Variants in ZNF19 observed in about 807,000 individuals in gnomAD.
ZNF19 encodes the protein zinc finger protein 19.
A neutral mutation model predicts 13.1 loss-of-function variants in ZNF19; 11 were observed. The observed-to-expected ratio is 0.84, with a 90% CI of 0.53 to 1.39. The LOEUF is 1.39. Ranked by LOEUF, ZNF19 falls within the 40% of genes most tolerant of loss-of-function variation. The pLI is 0.00. For synonymous variants in ZNF19, 186 were observed against 187.0 expected, an observed-to-expected ratio of 0.99 and a Z score of 0.04; for missense variants, 560 against 547.0, an observed-to-expected ratio of 1.02 and a Z score of -0.24.
Position 71,475,341 on chromosome 16 carries a change from C to T in ZNF19, c.1206G>A (p.Gln402=), listed in dbSNP as rs2043593490. The part of the protein sequence containing the change: ...KALTSKRNLH[Q]HQRIHTGEKP... The stretch of plus-strand genomic sequence containing the variant: ...TCTCTCCAGTATGGATTCTTTGATG[C>T]TGATGAAGATTTCTTTTGCTAGTCA... The change falls in exon 6 of 6, where the codon CAG becomes CAA. Residue 402 remains glutamine, a synonymous_variant. Transcript: ENST00000288177. 1.2e-6 allele frequency: 2 copies of T among 1,614,036 alleles called. No homozygotes were observed. Among genetic ancestry groups the T allele is most frequent in the Non-Finnish European group, 1.7e-6 (2 of 1,179,998 alleles).
intron 3 of ZNF19, among the ~76,000 whole-genome samples, chr16:71,479,756 GTTTT>G (rs914714623): frequency 1.3e-5 from 2 of 150,840 alleles, no homozygotes; most frequent in African/African-American, 4.9e-5. Flanking sequence ...TGCTTCTTGG[GTTTT>G]TTTTTCTTTC....
Position 71,475,887 on chromosome 16 carries a change from C to T in ZNF19, c.660G>A (p.Glu220=). 1.2e-6 allele frequency: 2 copies of T among 1,612,928 alleles called. No homozygotes were observed. The highest frequency in any genetic ancestry group is 2.2e-5 in the South Asian group (2 of 90,990). The change falls in exon 6 of 6, where the codon GAG becomes GAA. Residue 220 remains glutamate, a synonymous_variant. Coordinates refer to ENST00000288177, the MANE Select transcript of ZNF19 (RefSeq NM_006961.4). The stretch of plus-strand genomic sequence containing the variant: ...TATCATTAAAGGCTCGCCCACACTC[C>T]TCACACTGATAGGGTCTCTCTCCAG... ...IHTGERPYQC[E]ECGRAFNDNA...
In ZNF19 at chr16:71,484,665, C is replaced by T; in HGVS notation, c.-106G>A. On this transcript the variant is annotated 5_prime_UTR_variant, in exon 2 of 6. Transcript: ENST00000288177. Reference sequence around the variant, plus strand: ...CCTTGCACCCAGGCTCACACGCGTACTCTCTAGGATGCCGGAGCGGTCTTC... The same window carrying T: ...CCTTGCACCCAGGCTCACACGCGTATTCTCTAGGATGCCGGAGCGGTCTTC... 1 of 985,452 alleles carries T rather than the reference C, an allele frequency of 1.0e-6. No homozygotes were observed. The highest frequency in any genetic ancestry group is 5.2e-4 in the Middle Eastern group (1 of 1,918). The allele number at this position is 985,452 out of a possible 1,614,324, so 61.0% of individuals were successfully genotyped here.
chr16:71,478,197 C>T (rs1324353038), intron 5 of ZNF19, 31 bp downstream of exon 5: 12 of 1,488,334 alleles, frequency 8.1e-6, no homozygotes, highest in Middle Eastern at 1.7e-4. Flanking sequence ...TAAAACGCTA[C>T]AATTGTTGGT....
At chr16:71,482,872 T>C (rs986131031) in intron 2 of ZNF19, among the ~76,000 whole-genome samples, 1 of 152,238 alleles carries the variant, frequency 6.6e-6, no homozygotes, top group Non-Finnish European at 1.5e-5. Flanking sequence ...TGGCTCATTT[T>C]TGTAATTTTA....
chr16:71,483,865 C>T (rs929233082), intron 2 of ZNF19, among the ~76,000 whole-genome samples: 4 of 152,222 alleles, frequency 2.6e-5, no homozygotes, highest in African/African-American at 9.6e-5. Context: ...AATCAAGATT[C>T]TCTCAAATAA....
In ZNF19 at chr16:71,476,054, C is replaced by T; in HGVS notation, c.493G>A (p.Glu165Lys). The T allele has an allele frequency of 6.2e-7, 1 of 1,614,196 alleles. No individual in the cohort carries two copies. The highest frequency in any genetic ancestry group is 8.5e-7 in the Non-Finnish European group (1 of 1,180,010). The change falls in exon 6 of 6, where the codon GAG (glutamate) becomes AAG (lysine). Residue 165 changes from glutamate to lysine, a missense_variant. Coordinates refer to ENST00000288177, the MANE Select transcript of ZNF19 (RefSeq NM_006961.4). ...PCARKPFICEECGKSFSYFSY... is the reference protein window; with the variant it reads ...PCARKPFICEKCGKSFSYFSY... ...AAGTAGCTGAAGGATTTCCCACACT[C>T]CTCACATATGAAAGGTTTCCTTGCA...
intron 5 of ZNF19, among the ~76,000 whole-genome samples, chr16:71,476,533 C>G (rs966128682): frequency 6.6e-6 from 1 of 152,170 alleles, no homozygotes; most frequent in African/African-American, 2.4e-5. Flanking sequence ...GTCTGGTCAT[C>G]CCTGGCATGA....
intron 3 of ZNF19, 40 bp from the exon 4 acceptor site, chr16:71,479,045 T>TAG: frequency 6.2e-7 from 1 of 1,613,808 alleles, no homozygotes; most frequent in Non-Finnish European, 8.5e-7. Context: ...GCCAATCCTC[T>TAG]GGCTCCGGGC....
intron 5 of ZNF19, 41 bp downstream of exon 5, chr16:71,478,187 T>TA: frequency 1.4e-6 from 2 of 1,408,680 alleles, no homozygotes; most frequent in Non-Finnish European, 2.0e-6. Context: ...CAGTGCTCCA[T>TA]AAAACGCTAC....
Position 71,478,352 on chromosome 16 carries a change from G to T in ZNF19, c.161-11C>A. On this transcript the variant is annotated splice_polypyrimidine_tract_variant and intron_variant, in intron 4 of 5. Transcript: ENST00000288177. ...TGGGAACTGGGTACCCTGAAAACAG[G>T]AAGAAAATGGTACTTTTCAGCCCTG... The T allele has an allele frequency of 6.3e-7, 1 of 1,591,322 alleles. No homozygotes were observed. The highest frequency in any genetic ancestry group is 8.6e-7 in the Non-Finnish European group (1 of 1,160,112).
At position 71,485,265 on chromosome 16, in the gene ZNF19, C is replaced by G. The variant is rs542742902; in HGVS notation, c.-189-517G>C. ...AGGAGTTCGAGACCAGCCTGGTCAA[C>G]GTGGTGAAACCTCGTCTCTACTAAA... On this transcript the variant is annotated intron_variant, in intron 1 of 5. Coordinates refer to ENST00000288177, the MANE Select transcript of ZNF19 (RefSeq NM_006961.4). 1.1e-3 allele frequency among the ~76,000 whole-genome samples: 163 copies of G among 152,138 alleles called. 1 individual carries two copies. The highest frequency in any genetic ancestry group is 1.9e-3 in the Non-Finnish European group (126 of 67,992).
At chr16:71,480,988 A>T (rs1404137769) in intron 3 of ZNF19, among the ~76,000 whole-genome samples, 3 of 152,264 alleles carry the variant, frequency 2.0e-5, no homozygotes, top group Admixed American at 2.0e-4. Context: ...TCTATCCGGG[A>T]AGCGCTGCAA....
At chr16:71,483,431 A>G (rs905823287) in intron 2 of ZNF19, among the ~76,000 whole-genome samples, 3 of 152,176 alleles carry the variant, frequency 2.0e-5, no homozygotes, top group Admixed American at 6.5e-5. Flanking sequence ...TTTAGCTACA[A>G]TGGCCTTCTT....
chr16:71,477,489 T>C (rs575873384), intron 5 of ZNF19, among the ~76,000 whole-genome samples: 10 of 152,194 alleles, frequency 6.6e-5, no homozygotes, highest in Admixed American at 6.5e-5. Context: ...GTGGCCCCCA[T>C]CTATTTGACT....
rs2043600851 is a variant in ZNF19, at chr16:71,476,078, C to A, written c.469G>T (p.Ala157Ser). 6.2e-7 allele frequency: 1 copy of A among 1,614,156 alleles called. No homozygotes were observed. The highest frequency in any genetic ancestry group is 1.1e-5 in the South Asian group (1 of 91,074). ...TCCTCACATATGAAAGGTTTCCTTGCACAGGGGATTCTTGGAACCTTTCCT... is the reference window on the plus strand; with the variant it reads ...TCCTCACATATGAAAGGTTTCCTTGAACAGGGGATTCTTGGAACCTTTCCT... The part of the protein sequence containing the change: ...IQGKVPRIPC[A>S]RKPFICEECG... Residue 157 changes from alanine (A) to serine (S), a missense_variant, in exon 6 of 6, where the codon GCA (alanine) becomes TCA (serine). Coordinates refer to ENST00000288177, the MANE Select transcript of ZNF19 (RefSeq NM_006961.4).
intron 1 of ZNF19, among the ~76,000 whole-genome samples, chr16:71,485,660 T>C (rs1250659732): frequency 2.0e-5 from 3 of 151,536 alleles, no homozygotes; most frequent in African/African-American, 7.3e-5. Flanking sequence ...AGATCAGGAA[T>C]TGAAGAAGAG....
chr16:71,481,857 A>G (rs750817492), intron 3 of ZNF19, among the ~76,000 whole-genome samples: 2 of 152,180 alleles, frequency 1.3e-5, no homozygotes, highest in Non-Finnish European at 2.9e-5. Context: ...GGCCCAGGAG[A>G]GATTCTCAGT....
intron 2 of ZNF19, among the ~76,000 whole-genome samples, chr16:71,484,146 C>G (rs2043657262): frequency 6.6e-6 from 1 of 152,192 alleles, no homozygotes; most frequent in South Asian, 2.1e-4. Flanking sequence ...AAGTCACGGG[C>G]AGGTGGAGTG....
Sources: gnomAD v4.1 joint callset for allele counts (sites outside exome capture counted in the v4.1 genomes callset) on GRCh38, gnomAD v4.1.1 for gene constraint, MANE v1.5 for transcripts, NCBI Gene and HGNC (gene_info 2026-07-23, HGNC 2026-07-21) for gene names.